The following MICAL2 variants were observed in gnomAD, a reference collection of about 807,000 sequenced individuals.
MICAL2 encodes the protein [F-actin]-monooxygenase MICAL2.
MICAL2 carries 77 observed loss-of-function variants against 127.3 expected under a neutral mutation model. The observed-to-expected ratio is 0.60, with a 90% CI of 0.50 to 0.73. The LOEUF (loss-of-function observed/expected upper bound fraction) is 0.73. Ranked by LOEUF, MICAL2 falls within the 30% of genes least tolerant of loss-of-function variation. The pLI is 0.00. For synonymous variants in MICAL2, 570 were observed against 551.1 expected (o/e 1.03, Z -0.48); for missense variants, 1,351 against 1,434.4 (o/e 0.94, Z 0.94).
intron 29 of MICAL2, among the ~76,000 whole-genome samples, chr11:12,313,063 G>T (rs1008981851): frequency 1.8e-4 from 27 of 151,872 alleles, no homozygotes; most frequent in African/African-American, 5.8e-4. Context: ...GGCTACTGGG[G>T]AGGCTGAGGC....
At chr11:12,221,124 C>T (rs1856769396) in intron 9 of MICAL2, among the ~76,000 whole-genome samples, 1 of 152,146 alleles carries the variant, frequency 6.6e-6, no homozygotes, top group African/African-American at 2.4e-5. Flanking sequence ...ACCTAAGGCC[C>T]TTGGTTGAGC....
chr11:12,260,259 G>A, intron 26 of MICAL2: 1 of 1,435,662 alleles, frequency 7.0e-7, no homozygotes, highest in Non-Finnish European at 9.1e-7. Context: ...CTCTGGCCAG[G>A]AAGCCTAGCA....
intron 26 of MICAL2, chr11:12,260,453 A>G (rs187843591): frequency 2.3e-5 from 27 of 1,169,266 alleles, no homozygotes; most frequent in Non-Finnish European, 2.7e-5. Flanking sequence ...TAGCCCAGAG[A>G]AAGCATTTTT....
intron 3 of MICAL2, among the ~76,000 whole-genome samples, chr11:12,185,373 G>A (rs1858096624): frequency 6.6e-6 from 1 of 152,088 alleles, no homozygotes; most frequent in South Asian, 2.1e-4. Context: ...GAATTGTGAA[G>A]ACGTATACAC....
intron 3 of MICAL2, among the ~76,000 whole-genome samples, chr11:12,203,908 A>G (rs540638395): frequency 6.6e-6 from 1 of 152,374 alleles, no homozygotes; most frequent in Admixed American, 6.5e-5. Flanking sequence ...GGAGAGTAGT[A>G]GACCCACACA....
downstream of MICAL2, among the ~76,000 whole-genome samples, chr11:12,296,319 T>C (rs1863984920): frequency 6.6e-6 from 1 of 151,828 alleles, no homozygotes; most frequent in African/African-American, 2.4e-5. Context: ...TTTCAAGTAA[T>C]ATATTATTTC....
chr11:12,328,359 C>T (rs534858541), intron 32 of MICAL2, among the ~76,000 whole-genome samples: 54 of 152,224 alleles, frequency 3.5e-4, no homozygotes, highest in African/African-American at 1.0e-3. Flanking sequence ...CCTAACTGAT[C>T]TTGGGGCGAG....
intron 32 of MICAL2, among the ~76,000 whole-genome samples, chr11:12,333,498 T>G (rs1240968230): frequency 6.6e-6 from 1 of 152,214 alleles, no homozygotes; most frequent in African/African-American, 2.4e-5. Flanking sequence ...CTCTTAAGTC[T>G]TCTATTTAAC....
At chr11:12,299,357 G>T (rs562990514) in intron 29 of MICAL2, among the ~76,000 whole-genome samples, 13 of 152,196 alleles carry the variant, frequency 8.5e-5, no homozygotes, top group Non-Finnish European at 1.8e-4. Flanking sequence ...TAACTTGGGG[G>T]TGCACACTTC....
At chr11:12,178,931 C>G (rs1020181274) in intron 3 of MICAL2, among the ~76,000 whole-genome samples, 1 of 152,110 alleles carries the variant, frequency 6.6e-6, no homozygotes, top group African/African-American at 2.4e-5. Context: ...ATGCTTGTCC[C>G]CTGCTCTTCG....
chr11:12,222,788 C>A, intron 11 of MICAL2, 45 bp downstream of exon 11: 2 of 1,609,384 alleles, frequency 1.2e-6, no homozygotes, highest in Non-Finnish European at 1.7e-6. Context: ...CTGCACTGAA[C>A]AGTGGGAAGA....
In MICAL2 at chr11:12,230,032, G is replaced by C. The variant is rs1273498026; in HGVS notation, c.1995+2901G>C. ...GGAGCACTTCCTGTGGGTGGGTTAG[G>C]TTGTTTCGTAAGGCTACTGGGTCAC... On this transcript the variant is annotated intron_variant, in intron 15 of 27. Coordinates refer to ENST00000683283, the MANE Select transcript of MICAL2 (RefSeq NM_001282663.2). Among the ~76,000 whole-genome samples, 5 of 152,314 alleles carry C rather than the reference G, an allele frequency of 3.3e-5. No individual in the cohort carries two copies. The East Asian group carries it at 9.7e-4, about 29-fold the overall frequency.
chr11:12,358,163 A>T, intron 34 of MICAL2: 6 of 880,552 alleles, frequency 6.8e-6, no homozygotes, highest in Non-Finnish European at 1.0e-5. Flanking sequence ...CCTTGGTGTT[A>T]AATTCATTTC....
At chr11:12,222,886 C>A in intron 11 of MICAL2, 143 bp downstream of exon 11, 1 of 1,038,900 alleles carries the variant, frequency 9.6e-7, no homozygotes, top group Non-Finnish European at 1.4e-6. Context: ...GGGACCAGTT[C>A]TTCTCCCCAC....
chr11:12,165,123 A>T (rs1855325554), intron 3 of MICAL2, among the ~76,000 whole-genome samples: 1 of 145,858 alleles, frequency 6.9e-6, no homozygotes, highest in Non-Finnish European at 1.5e-5. Context: ...TGGGTGACAG[A>T]GCGAGACTCC....
chr11:12,196,784 G>A lies in MICAL2; in HGVS notation c.265-7466G>A, dbSNP rs78115533. ...CAGTCTGCCATCCAAGTCCCTCCAC[G>A]ATCTGGCTCTTTCTTTCTCTTTCTC... On this transcript the variant is annotated intron_variant, in intron 3 of 27. Transcript: ENST00000683283. Among the ~76,000 whole-genome samples the A allele has an allele frequency of 3.2e-3, 481 of 152,212 alleles. 4 individuals are homozygous for A. The highest frequency in any genetic ancestry group is 5.1e-3 in the Non-Finnish European group (344 of 67,998).
intron 9 of MICAL2, among the ~76,000 whole-genome samples, 180 bp downstream of exon 9, chr11:12,220,638 T>G (rs1021945549): frequency 6.6e-6 from 1 of 152,258 alleles, no homozygotes; most frequent in Non-Finnish European, 1.5e-5. Flanking sequence ...CAGAGGAGCC[T>G]ATTCTGCCTC....
intron 6 of MICAL2, 38 bp downstream of exon 6, chr11:12,209,636 G>C (rs202003432): frequency 1.0e-5 from 16 of 1,535,842 alleles, no homozygotes; most frequent in Admixed American, 6.7e-5. Flanking sequence ...ATGGGGGGAT[G>C]GGAATGGGAG....
At chr11:12,279,354 C>T (rs983413054) in intron 1 of MICAL2, among the ~76,000 whole-genome samples, 5 of 152,132 alleles carry the variant, frequency 3.3e-5, no homozygotes, top group African/African-American at 9.7e-5. Context: ...AAAGCAGGGA[C>T]TGCAGTTGTA....
Sources: gnomAD v4.1 joint callset for allele counts (sites outside exome capture counted in the v4.1 genomes callset) on GRCh38, gnomAD v4.1.1 for gene constraint, MANE v1.5 for transcripts, NCBI Gene and HGNC (gene_info 2026-07-23, HGNC 2026-07-21) for gene names.